The following NEDD1 variants were observed in gnomAD, a reference collection of about 807,000 sequenced individuals.
NEDD1 encodes protein NEDD1.
NEDD1 carries 33 observed loss-of-function variants against 74.0 expected under a neutral mutation model. The ratio of observed to expected loss-of-function variants is 0.45; its 90% CI spans 0.34 to 0.60. The LOEUF (loss-of-function observed/expected upper bound fraction) is 0.60, where lower values mean the gene tolerates loss of function less well. Among genes scored for constraint, NEDD1 ranks in the 20% least tolerant of loss-of-function variants. The pLI is 0.01. For missense variants in NEDD1, 746 were observed against 776.5 expected, an observed-to-expected ratio of 0.96 and a Z score of 0.47; for synonymous variants, 250 against 264.4, an observed-to-expected ratio of 0.95 and a Z score of 0.53.
At chr12:96,932,461 A>ATATATATAT (rs60535832) in intron 6 of NEDD1, among the ~76,000 whole-genome samples, 20 of 12,236 alleles carry the variant, frequency 1.6e-3, no homozygotes, top group Non-Finnish European at 2.6e-3. Context: ...AAAAAAAAAA[A>ATATATATAT]AAATATATAT....
intron 6 of NEDD1, among the ~76,000 whole-genome samples, chr12:96,931,164 A>G (rs1312262882): frequency 1.3e-5 from 2 of 152,294 alleles, no homozygotes; most frequent in East Asian, 1.9e-4. Flanking sequence ...GTTCATATGT[A>G]TGTTAAGATG....
At position 96,952,473 on chromosome 12, in the gene NEDD1, G is replaced by A. The variant is rs902781543; in HGVS notation, c.*420G>A. 2 of 152,402 alleles carry A rather than the reference G, an allele frequency of 1.3e-5. No homozygotes were observed. The highest frequency in any genetic ancestry group is 4.8e-5 in the African/African-American group (2 of 41,394). 9.4% of individuals were successfully genotyped at this position (152,402 alleles called of 1,614,324 possible). ...GTTTGATATGCCTTCTATTTTTATG[G>A]AGAAAGTAATTTTAAAATGGCAATT... is the stretch of plus-strand genomic sequence containing the variant. On this transcript the variant is annotated 3_prime_UTR_variant, in exon 16 of 16. Coordinates refer to ENST00000266742, the MANE Select transcript of NEDD1 (RefSeq NM_152905.4).
intron 12 of NEDD1, 48 bp from the exon 13 acceptor site, chr12:96,944,591 G>A (rs1878003440): frequency 8.3e-7 from 1 of 1,203,466 alleles, no homozygotes; most frequent in Non-Finnish European, 1.2e-6. Context: ...TGGGTAATAT[G>A]AGTAAAAAAA....
chr12:96,942,686 G>A (rs1452326201), intron 11 of NEDD1, 62 bp downstream of exon 11: 1 of 813,440 alleles, frequency 1.2e-6, no homozygotes, highest in Non-Finnish European at 2.1e-6. Context: ...TCTATGCTGT[G>A]TAACAAATCT....
intron 13 of NEDD1, 127 bp downstream of exon 13, chr12:96,944,922 A>T: frequency 1.6e-6 from 1 of 624,670 alleles, no homozygotes; most frequent in Non-Finnish European, 2.7e-6. Flanking sequence ...AAGTTTGTGG[A>T]CACTTCTGTT....
At chr12:96,910,889 A>G (rs941183685) in intron 3 of NEDD1, among the ~76,000 whole-genome samples, 1 of 152,220 alleles carries the variant, frequency 6.6e-6, no homozygotes, top group African/African-American at 2.4e-5. Flanking sequence ...AAAGTATTCT[A>G]CTTTCTGATA....
Position 96,937,430 on chromosome 12 carries a change from G to T in NEDD1, c.1117+37G>T, listed in dbSNP as rs576557064. The T allele has an allele frequency of 2.5e-4, 276 of 1,112,494 alleles. 2 individuals are homozygous for T. In the African/African-American group the frequency reaches 4.4e-3, roughly 18 times the overall value. 68.9% of individuals were successfully genotyped at this position (1,112,494 alleles called of 1,614,324 possible). On this transcript the variant is annotated intron_variant, in intron 9 of 15. Transcript: ENST00000266742. ...TTATATATTGTTGGAGGGTTGGTTT[G>T]TTTTTTTTTTGTTTTTTTGTTTTTG...
At chr12:96,943,808 G>A (rs1397690235) in intron 12 of NEDD1, 46 bp downstream of exon 12, 2 of 1,300,874 alleles carry the variant, frequency 1.5e-6, no homozygotes, top group Non-Finnish European at 2.2e-6. Flanking sequence ...GTGTTTATCA[G>A]TAGAAAGTGG....
At chr12:96,942,480 G>A (rs1164813901) in intron 10 of NEDD1, 97 bp from the exon 11 acceptor site, 5 of 692,588 alleles carry the variant, frequency 7.2e-6, no homozygotes, top group Non-Finnish European at 1.3e-5. Context: ...TTTTAAGATT[G>A]TTAGTCTCTG....
rs142708932 is a variant in NEDD1, at chr12:96,952,882, CT to C, written c.*834del. The C allele has an allele frequency of 6.6e-6, 1 of 151,418 alleles. No individual in the cohort carries two copies. Among genetic ancestry groups the C allele is most frequent in the Non-Finnish European group, 1.5e-5 (1 of 67,602 alleles). 9.4% of individuals were successfully genotyped at this position (151,418 alleles called of 1,614,324 possible). On this transcript the variant is annotated 3_prime_UTR_variant, in exon 16 of 16. Transcript: ENST00000266742. ...AATATTATAGTATTATTTCTATTTT[CT>C]TTTTCCAAATAAGAAGCTTGGATTA... is the stretch of plus-strand genomic sequence containing the variant.
At chr12:96,944,275 AC>A (rs1877969866) in intron 12 of NEDD1, among the ~76,000 whole-genome samples, 2 of 152,120 alleles carry the variant, frequency 1.3e-5, no homozygotes. Context: ...TTGAAAAGAT[AC>A]CATGTAAGAA....
chr12:96,939,646 A>G (rs1293899095), intron 9 of NEDD1, among the ~76,000 whole-genome samples: 1 of 152,010 alleles, frequency 6.6e-6, no homozygotes, highest in Admixed American at 6.6e-5. Flanking sequence ...TTGAACCTCT[A>G]AAACTGTCGT....
chr12:96,945,619 A>G (rs1878114911), intron 13 of NEDD1, 74 bp from the exon 14 acceptor site: 1 of 958,698 alleles, frequency 1.0e-6, no homozygotes, highest in Non-Finnish European at 1.6e-6. Context: ...TGCACATGCC[A>G]AATCTTATTT....
intron 6 of NEDD1, chr12:96,925,081 A>G (rs1010347639): frequency 5.0e-5 from 13 of 261,304 alleles, no homozygotes; most frequent in Admixed American, 2.8e-4. Context: ...GCAATAAGCA[A>G]TAAGTATACA....
chr12:96,907,727 C>T lies in NEDD1; in HGVS notation c.-138C>T, dbSNP rs1182631680. On this transcript the variant is annotated 5_prime_UTR_variant, in exon 2 of 16. Transcript: ENST00000266742. ...CTGAGTGGTGTAGTTGAATTGGTTC[C>T]TGTAGCCGCTGTCCCTAAACCCAGG... The T allele has an allele frequency of 4.5e-6, 7 of 1,548,542 alleles. No homozygotes were observed. Among genetic ancestry groups the T allele is most frequent in the South Asian group, 3.6e-5 (3 of 83,858 alleles).
intron 4 of NEDD1, among the ~76,000 whole-genome samples, chr12:96,916,983 G>T (rs2136522590): frequency 6.6e-6 from 1 of 152,202 alleles, no homozygotes; most frequent in Non-Finnish European, 1.5e-5. Context: ...TAGATTGGAG[G>T]GGAGGGAGAA....
Position 96,945,745 on chromosome 12 carries a change from A to G in NEDD1, c.1707A>G (p.Glu569=), listed in dbSNP as rs1427546255. 1 of 1,608,574 alleles carries G rather than the reference A, an allele frequency of 6.2e-7. No homozygotes were observed. Among genetic ancestry groups the G allele is most frequent in the African/African-American group, 1.3e-5 (1 of 74,824 alleles). Residue 569 remains glutamate, a synonymous_variant, in exon 14 of 16, where the codon GAA becomes GAG. Transcript: ENST00000266742. ...CTGGAGTTGCCAGTTCACTCTCAGA[A>G]AAAATAGCCGACAGCATTGGAAATA... ...VTAGVASSLS[E]KIADSIGNNR... is the part of the protein sequence containing the mutation.
intron 6 of NEDD1, 35 bp downstream of exon 6, chr12:96,920,160 A>G (rs755183328): frequency 7.9e-6 from 11 of 1,399,618 alleles, no homozygotes; most frequent in Non-Finnish European, 1.1e-5. Context: ...AAAATTGGTA[A>G]GATAGATTTT....
At chr12:96,916,365 A>C (rs2136520650) in intron 4 of NEDD1, among the ~76,000 whole-genome samples, 1 of 141,138 alleles carries the variant, frequency 7.1e-6, no homozygotes, top group Non-Finnish European at 1.5e-5. Context: ...CTAACTCGTC[A>C]TCTAGCATTA....
Sources: gnomAD v4.1 joint callset for allele counts (sites outside exome capture counted in the v4.1 genomes callset) on GRCh38, gnomAD v4.1.1 for gene constraint, MANE v1.5 for transcripts, NCBI Gene and HGNC (gene_info 2026-07-23, HGNC 2026-07-21) for gene names.